The following FGD4 variants were observed in gnomAD, a reference collection of about 807,000 sequenced individuals.
FGD4 encodes the protein FYVE, RhoGEF and PH domain-containing protein 4.
A neutral mutation model predicts 102.0 loss-of-function variants in FGD4; 42 were observed. The ratio of observed to expected loss-of-function variants is 0.41; its 90% confidence interval spans 0.32 to 0.53. The LOEUF (loss-of-function observed/expected upper bound fraction) is 0.53, where lower values mean the gene tolerates loss of function less well. FGD4 is among the 20% of genes least tolerant of loss of function. The probability of loss-of-function intolerance (pLI) is 0.21; values close to 1 mark genes in which losing one functional copy is unlikely to be tolerated. For synonymous variants in FGD4, 380 were observed against 375.7 expected (o/e 1.01, Z -0.13); for missense variants, 902 against 1,078.2 (o/e 0.84, Z 2.29).
chr12:32,528,319 T>C (rs981836763), intron 1 of FGD4, among the ~76,000 whole-genome samples: 2 of 152,198 alleles, frequency 1.3e-5, no homozygotes, highest in Non-Finnish European at 2.9e-5. Flanking sequence ...CACCCTCATA[T>C]CGAAATCTGC....
At chr12:32,496,324 G>A (rs1010515952) in intron 1 of FGD4, among the ~76,000 whole-genome samples, 6 of 152,190 alleles carry the variant, frequency 3.9e-5, no homozygotes, top group African/African-American at 7.2e-5. Context: ...CCAAAAATAC[G>A]AAGAGAAGGT....
At chr12:32,615,740 G>A (rs924981945) in intron 10 of FGD4, among the ~76,000 whole-genome samples, 1 of 152,020 alleles carries the variant, frequency 6.6e-6, no homozygotes, top group Non-Finnish European at 1.5e-5. Context: ...GTGGGCAAGA[G>A]CCTTTATTGT....
At position 32,638,775 on chromosome 12, in the gene FGD4, T is replaced by C; in HGVS notation, c.2434T>C (p.Tyr812His). Residue 812 changes from tyrosine (Y) to histidine (H), a missense_variant, in exon 16 of 17, where the codon TAC (tyrosine) becomes CAC (histidine). Around this residue, in one of 2 missense-constraint regions of FGD4, gnomAD observed 459 missense variants for 619.0 expected, o/e 0.74. Transcript: ENST00000534526. ...CCCCAAGCAAGACCCTCTTGTGCTGTACATGTATGGTGCCCCCCAGGTATC... is the reference window on the plus strand; with the variant it reads ...CCCCAAGCAAGACCCTCTTGTGCTGCACATGTATGGTGCCCCCCAGGTATC... ...VIPKQDPLVL[Y>H]MYGAPQDVRA... is the part of the protein sequence containing the mutation. 6.2e-7 allele frequency: 1 copy of C among 1,614,144 alleles called. No homozygotes were observed. Among genetic ancestry groups the C allele is most frequent in the Non-Finnish European group, 8.5e-7 (1 of 1,180,002 alleles).
intron 1 of FGD4, among the ~76,000 whole-genome samples, chr12:32,502,951 C>A: frequency 6.6e-6 from 1 of 152,174 alleles, no homozygotes; most frequent in East Asian, 1.9e-4. Flanking sequence ...ATTTCAAGGG[C>A]TTCCTTTGTT....
intron 1 of FGD4, among the ~76,000 whole-genome samples, chr12:32,541,254 C>G (rs1942803606): frequency 6.6e-6 from 1 of 152,170 alleles, no homozygotes; most frequent in Non-Finnish European, 1.5e-5. Flanking sequence ...CTATTGTGCT[C>G]TGGGTCTAGA....
intron 1 of FGD4, among the ~76,000 whole-genome samples, chr12:32,464,262 C>T (rs1389121458): frequency 1.3e-5 from 2 of 152,184 alleles, no homozygotes; most frequent in African/African-American, 4.8e-5. Context: ...AAGCAGTTCT[C>T]CTGCCTCAGC....
chr12:32,625,821 A>G (rs201917762), intron 14 of FGD4, 42 bp downstream of exon 14: 26 of 1,612,472 alleles, frequency 1.6e-5, no homozygotes, highest in African/African-American at 8.0e-5. Flanking sequence ...TAGTAACTAT[A>G]TAAGTGATGT....
intron 1 of FGD4, among the ~76,000 whole-genome samples, chr12:32,538,026 G>A (rs955389233): frequency 1.3e-5 from 2 of 152,104 alleles, no homozygotes; most frequent in Non-Finnish European, 2.9e-5. Context: ...CTCCACAGTA[G>A]CCAGGACTTA....
chr12:32,601,471 A>G (rs1555214956), intron 6 of FGD4, 48 bp downstream of exon 6: 1 of 1,564,806 alleles, frequency 6.4e-7, no homozygotes, highest in South Asian at 1.2e-5. Flanking sequence ...GTCATGCTGT[A>G]TTTTTCAGCT....
intron 1 of FGD4, among the ~76,000 whole-genome samples, chr12:32,526,669 C>G (rs142025391): frequency 0.014 from 2,069 of 152,290 alleles, 107 homozygotes; most frequent in Admixed American, 0.095. Flanking sequence ...TTTGTTCTTT[C>G]GCTATTTGCG....
intron 7 of FGD4, among the ~76,000 whole-genome samples, chr12:32,607,197 AT>A (rs1219649368): frequency 6.6e-6 from 1 of 151,924 alleles, no homozygotes; most frequent in Non-Finnish European, 1.5e-5. Context: ...ATTCTGCTTG[AT>A]TTTTTTTCCT....
intron 1 of FGD4, among the ~76,000 whole-genome samples, chr12:32,438,581 C>T (rs954879532): frequency 6.0e-5 from 9 of 149,336 alleles, no homozygotes; most frequent in African/African-American, 2.2e-4. Flanking sequence ...ATACTAGTCA[C>T]CTAAAACATG....
rs547013343 is a variant in FGD4 at position 32,525,906 on chromosome 12, C to T, written c.167-38231C>T. ...TTTCTCACCGGGCCTTAGCTGCCTT[C>T]CCACGGGGCAGGGCTCGGGACCTAC... On this transcript the variant is annotated intron_variant, in intron 1 of 16. Transcript: ENST00000534526. Among the ~76,000 whole-genome samples the T allele has an allele frequency of 3.9e-5, 6 of 152,384 alleles. No individual in the cohort carries two copies. The East Asian group carries it at 7.7e-4, about 20-fold the overall frequency.
At chr12:32,626,565 C>A (rs55938059) in intron 14 of FGD4, among the ~76,000 whole-genome samples, 22,937 of 151,918 alleles carry the variant, frequency 0.15, 2,000 homozygotes, top group Middle Eastern at 0.26. Flanking sequence ...AACTTGGTCT[C>A]TTCATGAGAC....
At chr12:32,421,635 T>C (rs879268515) in intron 1 of FGD4, among the ~76,000 whole-genome samples, 4 of 152,212 alleles carry the variant, frequency 2.6e-5, no homozygotes, top group Non-Finnish European at 5.9e-5. Context: ...CTCATTGTTT[T>C]TTCATTATTA....
At chr12:32,630,307 A>G (rs1244613368) in intron 14 of FGD4, among the ~76,000 whole-genome samples, 1 of 152,244 alleles carries the variant, frequency 6.6e-6, no homozygotes, top group Non-Finnish European at 1.5e-5. Flanking sequence ...GACAGCAGCA[A>G]GAGTCAAAAA....
At chr12:32,530,224 T>G (rs1941662264) in intron 1 of FGD4, among the ~76,000 whole-genome samples, 1 of 152,176 alleles carries the variant, frequency 6.6e-6, no homozygotes, top group Admixed American at 6.5e-5. Flanking sequence ...GGCTCATGCC[T>G]GTAATCACAG....
chr12:32,425,536 G>T (rs1941800886), intron 1 of FGD4, among the ~76,000 whole-genome samples: 1 of 152,168 alleles, frequency 6.6e-6, no homozygotes, highest in Non-Finnish European at 1.5e-5. Context: ...TTTTGCTTAG[G>T]ATTGTCTTGG....
At chr12:32,564,426 C>T in intron 2 of FGD4, 137 bp downstream of exon 2, 1 of 1,104,662 alleles carries the variant, frequency 9.1e-7, no homozygotes, top group Non-Finnish European at 1.3e-6. Context: ...AGAGAAGAGT[C>T]CATCTGTGCA....
Sources: allele counts gnomAD v4.1 joint callset (sites outside exome capture counted in the v4.1 genomes callset), GRCh38; gene constraint gnomAD v4.1.1; regional missense constraint gnomAD v4.1.1; transcripts MANE v1.5; gene names NCBI Gene and HGNC (gene_info 2026-07-23, HGNC 2026-07-21).